The following DOP1B variants were observed in gnomAD, a reference collection of about 807,000 sequenced individuals.
The protein encoded by DOP1B is DOP1 leucine zipper like protein B.
Under a neutral mutation model 233.5 loss-of-function variants are expected in DOP1B, and 174 were observed. That is an observed-to-expected ratio of 0.75 (90% CI 0.66 to 0.85). DOP1B has a LOEUF of 0.85. Ranked by LOEUF, DOP1B falls within the 40% of genes least tolerant of loss-of-function variation. The probability of loss-of-function intolerance (pLI) is 0.00; values close to 1 mark genes in which losing one functional copy is unlikely to be tolerated. For missense variants in DOP1B, 2,652 were observed against 2,846.6 expected (o/e 0.93, Z 1.56); for synonymous variants, 1,190 against 1,185.6 (o/e 1.00, Z -0.08).
rs189803648 is a variant in DOP1B at position 36,246,023 on chromosome 21, G to C, written c.4043G>C (p.Ser1348Thr). 6.2e-7 allele frequency: 1 copy of C among 1,613,986 alleles called. No homozygotes were observed. Among genetic ancestry groups the C allele is most frequent in the Non-Finnish European group, 8.5e-7 (1 of 1,180,002 alleles). The change falls in exon 19 of 37, where the codon AGT (serine) becomes ACT (threonine). Residue 1348 changes from serine (S) to threonine (T), a missense_variant. Physicochemically the swap from Ser to Thr is moderately conservative, Grantham distance 58. Around this residue, in one of 3 missense-constraint regions of DOP1B, gnomAD observed 2,617 missense variants for 2,794.3 expected, o/e 0.94. Transcript: ENST00000691173. This position sits in a 1 kb window ranked among gnomAD's most constrained non-coding sequence, Gnocchi z 5.1. ...ILGNRDVQVKSVEVLIRIMMQ... is the reference protein window; with the variant it reads ...ILGNRDVQVKTVEVLIRIMMQ... ...GGCAACCGGGACGTGCAGGTCAAAA[G>C]TGTCGAGGTTTTGATCAGGATAATG...
chr21:36,186,653 A>G (rs532328725), intron 2 of DOP1B, among the ~76,000 whole-genome samples: 1 of 152,202 alleles, frequency 6.6e-6, no homozygotes, highest in Non-Finnish European at 1.5e-5. Flanking sequence ...TGACATGTCT[A>G]CATGTTCCAC....
chr21:36,196,913 T>G (rs895149008), intron 2 of DOP1B, among the ~76,000 whole-genome samples: 2 of 151,926 alleles, frequency 1.3e-5, no homozygotes, highest in African/African-American at 4.8e-5. Flanking sequence ...AGTGCAACCC[T>G]TTTTTGATGA....
rs1434594509 is a variant in DOP1B at position 36,239,372 on chromosome 21, A to G, written c.2877-393A>G. Among the ~76,000 whole-genome samples, 6 of 152,228 alleles carry G rather than the reference A, an allele frequency of 3.9e-5. No homozygotes were observed. The South Asian group carries it at 1.2e-3, about 32-fold the overall frequency. Reference sequence around the variant, plus strand: ...ACTTGGTGTGTGTGCTTGTCCCATCACTGTCTCATGCTTAAGAGGTGAACT... The same window carrying G: ...ACTTGGTGTGTGTGCTTGTCCCATCGCTGTCTCATGCTTAAGAGGTGAACT... On this transcript the variant is annotated intron_variant, in intron 17 of 36. Coordinates refer to ENST00000691173, the MANE Select transcript of DOP1B (RefSeq NM_001320714.2).
chr21:36,286,260 C>T (rs1229773704), intron 32 of DOP1B, among the ~76,000 whole-genome samples: 2 of 152,074 alleles, frequency 1.3e-5, no homozygotes, highest in Non-Finnish European at 2.9e-5. Flanking sequence ...GCATGTACAA[C>T]ATGAGGACTG....
At chr21:36,261,272 G>A in intron 24 of DOP1B, 1 of 944,916 alleles carries the variant, frequency 1.1e-6, no homozygotes, top group Non-Finnish European at 1.3e-6. Context: ...GGCTGAGGCA[G>A]GAGAATTGCA....
intron 31 of DOP1B, among the ~76,000 whole-genome samples, chr21:36,281,248 A>T (rs1301371084): frequency 6.6e-6 from 1 of 152,210 alleles, no homozygotes; most frequent in Non-Finnish European, 1.5e-5. Context: ...GTGAGCTGTG[A>T]TCCCACCACT....
At chr21:36,244,170 C>T (rs558866208) in intron 18 of DOP1B, among the ~76,000 whole-genome samples, 5 of 151,450 alleles carry the variant, frequency 3.3e-5, no homozygotes, top group Admixed American at 6.6e-5. Flanking sequence ...ACTATGGGCA[C>T]GCACCACCAC....
intron 20 of DOP1B, 27 bp from the exon 21 acceptor site, chr21:36,248,353 G>A: frequency 6.2e-7 from 1 of 1,609,564 alleles, no homozygotes; most frequent in Non-Finnish European, 8.5e-7. Context: ...GACACAGCCT[G>A]CCTCATGTAT....
At position 36,223,202 on chromosome 21, in the gene DOP1B, A is replaced by G. The variant is rs747421621; in HGVS notation, c.1251-29A>G. On this transcript the variant is annotated intron_variant, in intron 10 of 36. Coordinates refer to ENST00000691173, the MANE Select transcript of DOP1B (RefSeq NM_001320714.2). ...TGTAATTCAGGATTTTTTTATAGAC[A>G]TATTTATTCATGTCCTCCCCTTTTA... The G allele has an allele frequency of 3.2e-6, 5 of 1,545,646 alleles. No individual in the cohort carries two copies. The South Asian group carries it at 3.7e-5, about 12-fold the overall frequency.
At chr21:36,206,676 G>A (rs921662714) in intron 4 of DOP1B, among the ~76,000 whole-genome samples, 2 of 152,158 alleles carry the variant, frequency 1.3e-5, no homozygotes, top group African/African-American at 4.8e-5. Context: ...GTGTTCCATG[G>A]AACATACTTT....
chr21:36,276,423 C>T (rs924248394), intron 27 of DOP1B, among the ~76,000 whole-genome samples: 4 of 152,032 alleles, frequency 2.6e-5, no homozygotes, highest in South Asian at 2.1e-4. Flanking sequence ...CCCAGCTACT[C>T]GGGAGGCTAA....
chr21:36,201,830 T>TTGTGTG (rs141533181), intron 4 of DOP1B, among the ~76,000 whole-genome samples: 1 of 150,008 alleles, frequency 6.7e-6, no homozygotes, highest in African/African-American at 2.4e-5. Flanking sequence ...TCATGTAGCT[T>TTGTGTG]TGTGTGTGTG....
intron 18 of DOP1B, among the ~76,000 whole-genome samples, chr21:36,244,247 C>T (rs574904729): frequency 2.0e-5 from 3 of 151,864 alleles, no homozygotes; most frequent in Admixed American, 1.3e-4. Flanking sequence ...GTCTCAAACT[C>T]CTGACCTCAG....
chr21:36,170,023 A>G (rs568024131), intron 2 of DOP1B: 407 of 741,290 alleles, frequency 5.5e-4, no homozygotes, highest in Non-Finnish European at 9.5e-4. Flanking sequence ...GATGTGGGTC[A>G]TGCCAGCCTT....
intron 32 of DOP1B, 37 bp from the exon 33 acceptor site, chr21:36,287,977 A>T (rs780056621): frequency 2.5e-6 from 4 of 1,602,024 alleles, no homozygotes; most frequent in Middle Eastern, 1.7e-4. Context: ...CCTAAACTGC[A>T]TATTTGTGTA....
At chr21:36,292,281 G>A (rs1403856609) in intron 36 of DOP1B, 48 bp downstream of exon 36, 1 of 1,405,042 alleles carries the variant, frequency 7.1e-7, no homozygotes, top group East Asian at 2.4e-5. Flanking sequence ...TGGTGAGACA[G>A]AGTTTCACTC....
intron 32 of DOP1B, among the ~76,000 whole-genome samples, chr21:36,284,284 T>TTTTTTTTTTC (rs1414065235): frequency 7.4e-6 from 1 of 134,996 alleles, no homozygotes; most frequent in African/African-American, 2.8e-5. Flanking sequence ...TTTTTTTTTT[T>TTTTTTTTTTC]TTTTGAGACG....
chr21:36,182,441 T>C (rs142335005), intron 2 of DOP1B, among the ~76,000 whole-genome samples: 1 of 152,120 alleles, frequency 6.6e-6, no homozygotes, highest in Non-Finnish European at 1.5e-5. Flanking sequence ...CAATGAGATA[T>C]GGCGGGAAGG....
intron 10 of DOP1B, among the ~76,000 whole-genome samples, chr21:36,219,949 T>G (rs2066606451): frequency 6.6e-6 from 1 of 150,848 alleles, no homozygotes; most frequent in African/African-American, 2.4e-5. Context: ...TGGGGGAGAT[T>G]GGGGGAGACC....
Sources: allele counts gnomAD v4.1 joint callset (sites outside exome capture counted in the v4.1 genomes callset), GRCh38; gene constraint gnomAD v4.1.1; regional missense constraint gnomAD v4.1.1; non-coding constraint Gnocchi (gnomAD v3.1); transcripts MANE v1.5; gene names NCBI Gene and HGNC (gene_info 2026-07-23, HGNC 2026-07-21).